NECAB1: variants seen among roughly 807,000 people sequenced by gnomAD.
NECAB1 encodes N-terminal EF-hand calcium-binding protein 1.
Under a neutral mutation model 57.5 loss-of-function variants are expected in NECAB1, and 29 were observed. That is an observed-to-expected ratio of 0.50 (90% CI 0.38 to 0.69). The LOEUF (loss-of-function observed/expected upper bound fraction) is 0.69. Ranked by LOEUF, NECAB1 falls within the 30% of genes least tolerant of loss-of-function variation. The pLI is 0.00. For missense variants in NECAB1, 372 were observed against 413.8 expected, an observed-to-expected ratio of 0.90 and a Z score of 0.88; for synonymous variants, 142 against 147.7, an observed-to-expected ratio of 0.96 and a Z score of 0.28.
At chr8:90,897,071 A>AT (rs1356031567) in intron 5 of NECAB1, among the ~76,000 whole-genome samples, 3 of 101,110 alleles carry the variant, frequency 3.0e-5, no homozygotes, top group African/African-American at 8.2e-5. Context: ...GAAAAAGAAA[A>AT]TTTAAAAAAA....
rs774568110 is a variant in NECAB1, at chr8:90,925,596, C to T, written c.556C>T (p.Arg186Ter). 1.2e-6 allele frequency: 2 copies of T among 1,613,622 alleles called. No individual in the cohort carries two copies. Among genetic ancestry groups the T allele is most frequent in the Non-Finnish European group, 1.7e-6 (2 of 1,179,762 alleles). ...IQWPGKRSSR[R>*]VQRHNSFSPN... Reference sequence around the variant, plus strand: ...ATGGCCTGGAAAACGATCAAGCCGCCGAGTCCAGAGACACAACAGCTTCTC... The same window carrying T: ...ATGGCCTGGAAAACGATCAAGCCGCTGAGTCCAGAGACACAACAGCTTCTC... Residue 186 changes from arginine (R) to a stop codon, truncating the protein, a stop_gained, in exon 7 of 13, where the codon CGA becomes TGA. Transcript: ENST00000417640. LOFTEE classifies it high-confidence loss of function.
At position 90,931,764 on chromosome 8, in the gene NECAB1, C is replaced by T. The variant is rs563608897; in HGVS notation, c.694-2540C>T. Among the ~76,000 whole-genome samples the T allele has an allele frequency of 6.7e-3, 1,025 of 151,946 alleles. 5 individuals carry two copies. The highest frequency in any genetic ancestry group is 0.011 in the Non-Finnish European group (776 of 67,970). On this transcript the variant is annotated intron_variant, in intron 8 of 12. Coordinates refer to ENST00000417640, the MANE Select transcript of NECAB1 (RefSeq NM_022351.5). ...ACTAAAAATACAAAAATTAACCAGG[C>T]GTGGTGGTGTGCGCCTGTAATCCCA...
At chr8:90,792,018 T>G in intron 1 of NECAB1, 33 bp downstream of exon 1, 306 of 1,499,668 alleles carry the variant, frequency 2.0e-4, no homozygotes, top group Middle Eastern at 3.4e-4. Flanking sequence ...GGGCGGTTGC[T>G]TCCCAGCACC....
chr8:90,802,137 C>T (rs971127557), intron 2 of NECAB1, among the ~76,000 whole-genome samples: 7 of 152,220 alleles, frequency 4.6e-5, no homozygotes, highest in African/African-American at 1.4e-4. Context: ...AGTCTGGACT[C>T]TCCACACTGA....
chr8:90,854,350 G>C (rs1812751382), intron 3 of NECAB1, among the ~76,000 whole-genome samples: 1 of 152,136 alleles, frequency 6.6e-6, no homozygotes, highest in South Asian at 2.1e-4. Context: ...TGAGTACCTG[G>C]TCAGCATTGG....
In NECAB1 at chr8:90,917,505, C is replaced by G. The variant is rs772528459; in HGVS notation, c.371C>G (p.Ala124Gly). Residue 124 changes from alanine to glycine, a missense_variant, in exon 6 of 13, where the codon GCC becomes GGC. Coordinates refer to ENST00000417640, the MANE Select transcript of NECAB1 (RefSeq NM_022351.5). ...MGKTKKDYQE[A>G]SNLEQFVTRF... is the part of the protein sequence containing the mutation. ...TGTCACCCTTAGGACTACCAAGAAG[C>G]CTCCAATTTGGAACAATTCGTAACT... is the stretch of plus-strand genomic sequence containing the variant. The G allele has an allele frequency of 5.0e-6, 8 of 1,609,194 alleles. No individual in the cohort carries two copies. Among genetic ancestry groups the G allele is most frequent in the Non-Finnish European group, 6.8e-6 (8 of 1,176,984 alleles).
intron 10 of NECAB1, among the ~76,000 whole-genome samples, chr8:90,944,655 T>C (rs149877864): frequency 2.3e-3 from 351 of 152,286 alleles, no homozygotes; most frequent in African/African-American, 8.1e-3. Context: ...GTTGGGAAAA[T>C]AGGATGCTCA....
At chr8:90,885,405 G>C (rs1808955944) in intron 5 of NECAB1, among the ~76,000 whole-genome samples, 1 of 152,208 alleles carries the variant, frequency 6.6e-6, no homozygotes, top group South Asian at 2.1e-4. Context: ...CAAGTTGCCA[G>C]ATGATGCCTA....
In NECAB1 at chr8:90,803,706, TCTTA is replaced by T. The variant is rs1172107059; in HGVS notation, c.124+1995_124+1998del. 3.9e-5 allele frequency among the ~76,000 whole-genome samples: 6 copies of T among 152,084 alleles called. No individual in the cohort carries two copies. In the South Asian group the frequency reaches 6.2e-4, roughly 16 times the overall value. ...GCTGTCAAACTACCTGCCTTTCTGC[TCTTA>T]CTTCTCAAAATCTTCCTCATGTATC... On this transcript the variant is annotated intron_variant, in intron 2 of 12. Coordinates refer to ENST00000417640, the MANE Select transcript of NECAB1 (RefSeq NM_022351.5).
chr8:90,797,091 T>C (rs1464377171), intron 1 of NECAB1, among the ~76,000 whole-genome samples: 1 of 152,162 alleles, frequency 6.6e-6, no homozygotes. Flanking sequence ...TGGGGCTCCA[T>C]GGTTGCAGAG....
At position 90,856,487 on chromosome 8, in the gene NECAB1, C is replaced by A. The variant is rs531744283; in HGVS notation, c.234-15641C>A. On this transcript the variant is annotated intron_variant, in intron 3 of 12. Coordinates refer to ENST00000417640, the MANE Select transcript of NECAB1 (RefSeq NM_022351.5). Reference sequence around the variant, plus strand: ...ACATTAGGCAAAGATCCATGGGCAACCTTCTTTAAACAATAACAAAAAGAG... The same window carrying A: ...ACATTAGGCAAAGATCCATGGGCAAACTTCTTTAAACAATAACAAAAAGAG... 5.0e-4 allele frequency among the ~76,000 whole-genome samples: 76 copies of A among 152,102 alleles called. 1 individual carries two copies. In the South Asian group the frequency reaches 0.015, roughly 30 times the overall value.
chr8:90,808,491 T>A (rs1016696458), intron 2 of NECAB1, among the ~76,000 whole-genome samples: 3 of 152,160 alleles, frequency 2.0e-5, no homozygotes, highest in Non-Finnish European at 2.9e-5. Flanking sequence ...ACCTGTGAAG[T>A]GGAAATAAAG....
At chr8:90,832,229 T>A (rs1434945178) in intron 3 of NECAB1, among the ~76,000 whole-genome samples, 2 of 152,176 alleles carry the variant, frequency 1.3e-5, no homozygotes, top group Non-Finnish European at 2.9e-5. Context: ...AAAGTGGTTT[T>A]AAAAACTCTT....
chr8:90,928,382 C>A, intron 8 of NECAB1, 83 bp downstream of exon 8: 1 of 990,330 alleles, frequency 1.0e-6, no homozygotes, highest in Non-Finnish European at 1.5e-6. Context: ...ATATCCATGA[C>A]TGCCCCATAG....
At chr8:90,832,198 A>T (rs1239772121) in intron 3 of NECAB1, among the ~76,000 whole-genome samples, 1 of 152,148 alleles carries the variant, frequency 6.6e-6, no homozygotes, top group Non-Finnish European at 1.5e-5. Context: ...GCTCACAAAG[A>T]TATGGAGAGA....
intron 10 of NECAB1, among the ~76,000 whole-genome samples, chr8:90,943,990 G>A (rs931917597): frequency 7.9e-5 from 12 of 152,126 alleles, no homozygotes; most frequent in Admixed American, 7.2e-4. Flanking sequence ...AGGCTCAAGC[G>A]ATCCTCTTGC....
At chr8:90,795,000 G>A (rs1487338045) in intron 1 of NECAB1, among the ~76,000 whole-genome samples, 1 of 152,234 alleles carries the variant, frequency 6.6e-6, no homozygotes, top group Non-Finnish European at 1.5e-5. Flanking sequence ...GCTGGAGCAA[G>A]CATTTGCATA....
intron 10 of NECAB1, among the ~76,000 whole-genome samples, chr8:90,947,696 C>T (rs111946673): frequency 4.6e-5 from 7 of 152,252 alleles, no homozygotes; most frequent in Admixed American, 6.5e-5. Context: ...TCACTGTGCC[C>T]GGCCTTACAT....
In NECAB1 at chr8:90,791,878, C is replaced by A; in HGVS notation, c.-9C>A. 6.5e-7 allele frequency: 1 copy of A among 1,549,192 alleles called. No homozygotes were observed. The highest frequency in any genetic ancestry group is 8.7e-7 in the Non-Finnish European group (1 of 1,146,264). On this transcript the variant is annotated 5_prime_UTR_variant, in exon 1 of 13. Transcript: ENST00000417640. ...CCCGCTCCGCCTGAGGCCGTCAGGG[C>A]TCCCGAGGATGGAAGATTCCCAGGA...
Sources: allele counts gnomAD v4.1 joint callset (sites outside exome capture counted in the v4.1 genomes callset), GRCh38; gene constraint gnomAD v4.1.1; transcripts MANE v1.5; gene names NCBI Gene and HGNC (gene_info 2026-07-23, HGNC 2026-07-21).